LARP1B: variants seen among roughly 807,000 people sequenced by gnomAD.
The protein encoded by LARP1B is la-related protein 1B.
A neutral mutation model predicts 114.2 loss-of-function variants in LARP1B; 76 were observed. That is an observed-to-expected ratio of 0.67 (90% CI 0.55 to 0.81). The LOEUF is 0.81. Ranked by LOEUF, LARP1B falls within the 30% of genes least tolerant of loss-of-function variation. LARP1B has a pLI of 0.00. For synonymous variants in LARP1B, 345 were observed against 348.0 expected, an observed-to-expected ratio of 0.99 and a Z score of 0.10; for missense variants, 1,014 against 1,075.8, an observed-to-expected ratio of 0.94 and a Z score of 0.80.
chr4:128,099,181 G>T (rs1475632560), intron 8 of LARP1B, among the ~76,000 whole-genome samples: 1 of 149,452 alleles, frequency 6.7e-6, no homozygotes, highest in African/African-American at 2.5e-5. Context: ...CTCTCATCTG[G>T]TCTGTTTCTA....
chr4:128,122,250 A>T (rs747619999), intron 11 of LARP1B, 62 bp downstream of exon 11: 18 of 1,571,652 alleles, frequency 1.1e-5, no homozygotes, highest in Non-Finnish European at 1.6e-5. Context: ...GTTGCTGTTT[A>T]TATTTTCTCA....
chr4:128,065,336 CTTTCT>C (rs70966072), intron 1 of LARP1B, among the ~76,000 whole-genome samples: 9,669 of 107,726 alleles, frequency 0.09, 659 homozygotes, highest in African/African-American at 0.14. Context: ...TCTCTCTTTC[CTTTCT>C]TTTCTTTTCT....
intron 16 of LARP1B, 115 bp downstream of exon 16, chr4:128,199,714 A>G (rs969484606): frequency 4.5e-5 from 20 of 445,592 alleles, no homozygotes; most frequent in Admixed American, 3.6e-4. Flanking sequence ...GTTAGACTAT[A>G]CATAGTTTTA....
Position 128,211,719 on chromosome 4 carries a change from A to G in LARP1B, c.*1666A>G. On this transcript the variant is annotated 3_prime_UTR_variant, in exon 20 of 20. Transcript: ENST00000326639. ...AAATGGTCTCTTGAAATGATCATAA[A>G]TTTTTCTCAGTGTCCTTTTTGTGTT... The G allele has an allele frequency of 1.0e-6, 1 of 984,608 alleles. No individual in the cohort carries two copies. Among genetic ancestry groups the G allele is most frequent in the Non-Finnish European group, 1.2e-6 (1 of 829,236 alleles). The allele number at this position is 984,608 out of a possible 1,614,324, so 61.0% of individuals were successfully genotyped here.
At chr4:128,205,227 A>C (rs1757248349) in intron 17 of LARP1B, among the ~76,000 whole-genome samples, 1 of 152,216 alleles carries the variant, frequency 6.6e-6, no homozygotes, top group Non-Finnish European at 1.5e-5. Flanking sequence ...ACACACAATC[A>C]CATACCCTGC....
chr4:128,209,499 A>T lies in LARP1B; in HGVS notation c.2548-357A>T, dbSNP rs1474108241. Among the ~76,000 whole-genome samples, 7 of 152,322 alleles carry T rather than the reference A, an allele frequency of 4.6e-5. No individual in the cohort carries two copies. The East Asian group carries it at 1.3e-3, about 29-fold the overall frequency. On this transcript the variant is annotated intron_variant, in intron 19 of 19. Transcript: ENST00000326639. ...GACTCCGTCTCAAAAACAAAAAACAAAAACCACAAACATATGTTGAGTAAA... is the reference window on the plus strand; with the variant it reads ...GACTCCGTCTCAAAAACAAAAAACATAAACCACAAACATATGTTGAGTAAA...
intron 13 of LARP1B, among the ~76,000 whole-genome samples, 180 bp downstream of exon 13, chr4:128,177,087 A>T (rs189092170): frequency 2.0e-4 from 31 of 152,364 alleles, no homozygotes; most frequent in Admixed American, 2.0e-3. Flanking sequence ...AAATGACAAC[A>T]GATGAGGCAA....
chr4:128,069,811 T>A (rs888089755), intron 1 of LARP1B, among the ~76,000 whole-genome samples: 2 of 152,198 alleles, frequency 1.3e-5, no homozygotes, highest in Non-Finnish European at 2.9e-5. Context: ...CTGTCTTTTT[T>A]ATTCTTATTT....
intron 11 of LARP1B, among the ~76,000 whole-genome samples, chr4:128,137,770 C>CATATATAT (rs745646919): frequency 1.4e-5 from 2 of 141,314 alleles, no homozygotes; most frequent in African/African-American, 5.3e-5. Flanking sequence ...TGTGTGTATA[C>CATATATAT]ATATATATAT....
chr4:128,116,316 G>A (rs1006333318), intron 10 of LARP1B, among the ~76,000 whole-genome samples: 12 of 152,182 alleles, frequency 7.9e-5, no homozygotes, highest in African/African-American at 2.9e-4. Flanking sequence ...TTGGGATGTT[G>A]TAGTATATTT....
At chr4:128,132,499 G>A (rs1259386409) in intron 11 of LARP1B, among the ~76,000 whole-genome samples, 1 of 152,080 alleles carries the variant, frequency 6.6e-6, no homozygotes, top group Admixed American at 6.6e-5. Context: ...GCCTGCATCA[G>A]TCTCCAAAAG....
At chr4:128,129,519 C>T (rs1790883161) in intron 11 of LARP1B, among the ~76,000 whole-genome samples, 1 of 151,840 alleles carries the variant, frequency 6.6e-6, no homozygotes, top group Non-Finnish European at 1.5e-5. Context: ...AATCAAAATC[C>T]CAGCAAATGA....
intron 15 of LARP1B, among the ~76,000 whole-genome samples, chr4:128,194,206 G>A (rs1279762951): frequency 1.3e-5 from 2 of 151,922 alleles, no homozygotes; most frequent in Non-Finnish European, 2.9e-5. Flanking sequence ...CTAAGTAGCT[G>A]GGATTACAGG....
At chr4:128,090,229 C>T (rs932800759) in intron 5 of LARP1B, among the ~76,000 whole-genome samples, 13 of 152,038 alleles carry the variant, frequency 8.6e-5, no homozygotes, top group Admixed American at 2.6e-4. Flanking sequence ...TGTGCTATGG[C>T]ACCCGGATAA....
intron 11 of LARP1B, among the ~76,000 whole-genome samples, chr4:128,158,371 G>T (rs989062196): frequency 6.6e-6 from 1 of 152,068 alleles, no homozygotes; most frequent in African/African-American, 2.4e-5. Flanking sequence ...AAAACTTATA[G>T]AAATAATAGC....
chr4:128,183,687 G>A (rs1399543062), intron 15 of LARP1B, among the ~76,000 whole-genome samples: 1 of 152,082 alleles, frequency 6.6e-6, no homozygotes, highest in Admixed American at 6.6e-5. Context: ...TTCATATATA[G>A]TATATTCATA....
intron 9 of LARP1B, chr4:128,107,651 C>G: frequency 7.8e-6 from 11 of 1,418,998 alleles, no homozygotes; most frequent in Non-Finnish European, 9.1e-6. Flanking sequence ...TTGGATTATT[C>G]TAAAAAGGTC....
intron 17 of LARP1B, among the ~76,000 whole-genome samples, chr4:128,201,482 T>C (rs1449086281): frequency 1.3e-5 from 2 of 152,222 alleles, no homozygotes; most frequent in Non-Finnish European, 2.9e-5. Context: ...CCTCTCACAA[T>C]ATGTCCTTTG....
chr4:128,132,898 C>T, intron 11 of LARP1B, among the ~76,000 whole-genome samples: 1 of 151,850 alleles, frequency 6.6e-6, no homozygotes, highest in Non-Finnish European at 1.5e-5. Context: ...TGTTTTTCTG[C>T]AACTAGATGG....
Sources: gnomAD v4.1 joint callset for allele counts (sites outside exome capture counted in the v4.1 genomes callset) on GRCh38, gnomAD v4.1.1 for gene constraint, MANE v1.5 for transcripts, NCBI Gene and HGNC (gene_info 2026-07-23, HGNC 2026-07-21) for gene names.